CNKSR2: variants seen among roughly 807,000 people sequenced by gnomAD.
The protein encoded by CNKSR2 is connector enhancer of kinase suppressor of Ras 2.
CNKSR2 carries 14 observed loss-of-function variants against 84.4 expected under a neutral mutation model. The observed-to-expected ratio is 0.17, with a 90% CI of 0.11 to 0.26. The LOEUF is 0.26. Ranked by LOEUF, CNKSR2 falls within the 10% of genes least tolerant of loss-of-function variation. CNKSR2 has a pLI of 1.00. For missense variants in CNKSR2, 485 were observed against 771.2 expected, an observed-to-expected ratio of 0.63 and a Z score of 4.40; for synonymous variants, 275 against 277.9, an observed-to-expected ratio of 0.99 and a Z score of 0.10.
intron 11 of CNKSR2, among the ~76,000 whole-genome samples, chrX:21,552,708 A>G (rs1457966191): frequency 4.5e-5 from 5 of 112,084 alleles, no homozygotes; most frequent in African/African-American, 1.6e-4. Flanking sequence ...CTTATTTATG[A>G]TGAAAGTTCA....
chrX:21,452,897 A>T (rs2147109327), intron 4 of CNKSR2, among the ~76,000 whole-genome samples: 1 of 108,333 alleles, frequency 9.2e-6, no homozygotes, highest in East Asian at 2.8e-4. Flanking sequence ...CCTAATTTTT[A>T]ATTAATGATG....
chrX:21,483,909 C>A (rs2091350765), intron 5 of CNKSR2, among the ~76,000 whole-genome samples: 1 of 111,570 alleles, frequency 9.0e-6, no homozygotes, highest in African/African-American at 3.3e-5. Flanking sequence ...CTTGTTCCCC[C>A]AGTACAATGC....
chrX:21,489,358 T>A (rs1206935124), intron 5 of CNKSR2, among the ~76,000 whole-genome samples: 1 of 111,670 alleles, frequency 9.0e-6, no homozygotes, highest in Non-Finnish European at 1.9e-5. Flanking sequence ...AGTAGACTAA[T>A]AACAGTGGCT....
intron 1 of CNKSR2, among the ~76,000 whole-genome samples, chrX:21,375,491 C>T (rs912897664): frequency 8.9e-6 from 1 of 112,160 alleles, no homozygotes; most frequent in Non-Finnish European, 1.9e-5. Context: ...CGGAGCCTGG[C>T]ATCCCCCCAC....
chrX:21,583,409 T>G (rs988648693), intron 13 of CNKSR2, among the ~76,000 whole-genome samples: 7 of 112,032 alleles, frequency 6.2e-5, no homozygotes, highest in Non-Finnish European at 1.1e-4. Context: ...CATACAATAA[T>G]TAGAAAGTTA....
chrX:21,649,959 T>A (rs1411526627), intron 21 of CNKSR2, among the ~76,000 whole-genome samples: 7 of 111,825 alleles, frequency 6.3e-5, no homozygotes, highest in Non-Finnish European at 1.1e-4. Flanking sequence ...AAATAGGAAC[T>A]CTTTTACACT....
In CNKSR2 at chrX:21,531,782, G is replaced by A. The variant is rs908990242; in HGVS notation, c.1092-74G>A. On this transcript the variant is annotated intron_variant, in intron 10 of 21. Coordinates refer to ENST00000379510, the MANE Select transcript of CNKSR2 (RefSeq NM_014927.5). ...TATATTGTATGGGAGTAAATTATTA[G>A]TATTTTAGACCCTCGGCCATTTACT... The A allele has an allele frequency of 9.4e-6, 6 of 641,109 alleles. No individual in the cohort carries two copies. In the African/African-American group the frequency reaches 1.1e-4, roughly 12 times the overall value. 52.8% of individuals were successfully genotyped at this position (641,109 alleles called of 1,213,427 possible). A position where few individuals can be genotyped will look rare whatever the true frequency, so the allele number is the denominator to read the frequency against.
At chrX:21,508,422 A>G (rs1009820262) in intron 8 of CNKSR2, among the ~76,000 whole-genome samples, 8 of 112,366 alleles carry the variant, frequency 7.1e-5, no homozygotes, top group Non-Finnish European at 1.5e-4. Context: ...AGAGGTTTAC[A>G]TTACAGCTTT....
chrX:21,426,790 G>A (rs2090571016), intron 2 of CNKSR2, 130 bp downstream of exon 2: 3 of 686,256 alleles, frequency 4.4e-6, no homozygotes, highest in African/African-American at 2.3e-5. Flanking sequence ...TCAACCAGCT[G>A]GACCTGATAT....
At chrX:21,641,781 T>TAC in intron 20 of CNKSR2, 1 of 1,012,997 alleles carries the variant, frequency 9.9e-7, no homozygotes, top group Non-Finnish European at 1.2e-6. Flanking sequence ...ATTGGGGGCC[T>TAC]CCCAAAGGGA....
intron 3 of CNKSR2, among the ~76,000 whole-genome samples, chrX:21,439,516 A>G (rs749737741): frequency 9.0e-6 from 1 of 111,120 alleles, no homozygotes; most frequent in East Asian, 2.8e-4. Context: ...CATCTCAAGA[A>G]AATAGAAAAA....
chrX:21,523,293 A>G (rs1012854699), intron 9 of CNKSR2, among the ~76,000 whole-genome samples: 1 of 111,107 alleles, frequency 9.0e-6, no homozygotes, highest in Non-Finnish European at 1.9e-5. Flanking sequence ...ACCACAGAAG[A>G]TCAAGTTATG....
chrX:21,514,315 T>C (rs1304055261), intron 8 of CNKSR2, among the ~76,000 whole-genome samples: 1 of 111,849 alleles, frequency 8.9e-6, no homozygotes. Flanking sequence ...GTATATTTCT[T>C]TGCTCTTGTT....
At chrX:21,581,824 CTAAT>C (rs765409480) in intron 13 of CNKSR2, among the ~76,000 whole-genome samples, 2 of 111,889 alleles carry the variant, frequency 1.8e-5, no homozygotes, top group Non-Finnish European at 3.8e-5. Flanking sequence ...CTTCATAGAA[CTAAT>C]ATAGTAGGTA....
At chrX:21,462,212 T>C (rs933752285) in intron 4 of CNKSR2, among the ~76,000 whole-genome samples, 3 of 111,974 alleles carry the variant, frequency 2.7e-5, no homozygotes, top group African/African-American at 9.7e-5. Flanking sequence ...ATTTCTTTTA[T>C]CAGTGTTTTG....
At chrX:21,566,065 A>G (rs2092235184) in intron 13 of CNKSR2, among the ~76,000 whole-genome samples, 1 of 109,836 alleles carries the variant, frequency 9.1e-6, no homozygotes, top group Non-Finnish European at 1.9e-5. Flanking sequence ...TTCCATATAC[A>G]GAGGAATTTG....
At chrX:21,386,103 G>A (rs1380443041) in intron 1 of CNKSR2, among the ~76,000 whole-genome samples, 2 of 105,243 alleles carry the variant, frequency 1.9e-5, no homozygotes, top group African/African-American at 6.9e-5. Flanking sequence ...TCAAAGGATT[G>A]TTAATATGTG....
chrX:21,432,808 T>C lies in CNKSR2; in HGVS notation c.425T>C (p.Leu142Ser), dbSNP rs2090653472. 2.5e-6 allele frequency: 3 copies of C among 1,206,439 alleles called. No homozygotes were observed. ...GCAGCCAAGAGTCTGCTTGCCTGGT[T>C]GGACAGGTAAAGTCTTCCGCATGTT... ...IGAAKSLLAW[L>S]DRSPFAAVTD... The change falls in exon 3 of 22, where the codon TTG becomes TCG. Residue 142 changes from leucine to serine, a missense_variant. By Grantham distance (145) the Leu-to-Ser change is moderately radical. This residue lies in a region of CNKSR2 where 109 missense variants were observed against 197.5 expected (regional missense o/e 0.55). Coordinates refer to ENST00000379510, the MANE Select transcript of CNKSR2 (RefSeq NM_014927.5).
chrX:21,497,736 G>A (rs1341091218), intron 6 of CNKSR2, 51 bp from the exon 7 acceptor site: 2 of 614,184 alleles, frequency 3.3e-6, no homozygotes, highest in Non-Finnish European at 5.6e-6. Flanking sequence ...CAATGTACTT[G>A]AAAATTCACC....
Sources: gnomAD v4.1 joint callset for allele counts (sites outside exome capture counted in the v4.1 genomes callset) on GRCh38, gnomAD v4.1.1 for gene constraint, gnomAD v4.1.1 regional missense constraint, MANE v1.5 for transcripts, NCBI Gene and HGNC (gene_info 2026-07-23, HGNC 2026-07-21) for gene names.